Variants in PTK2 observed in about 807,000 individuals in gnomAD.
The protein encoded by PTK2 is focal adhesion kinase 1.
In PTK2, 45 loss-of-function variants were observed where a neutral mutation model predicts 150.1. That is an observed-to-expected ratio of 0.30 (90% CI 0.24 to 0.38). The LOEUF is 0.38. PTK2 is among the 10% of genes least tolerant of loss of function. PTK2 has a pLI of 1.00. For missense variants in PTK2, 919 were observed against 1,307.3 expected, an observed-to-expected ratio of 0.70 and a Z score of 4.58; for synonymous variants, 432 against 449.2, an observed-to-expected ratio of 0.96 and a Z score of 0.48.
intron 1 of PTK2, among the ~76,000 whole-genome samples, chr8:140,977,002 C>T (rs1588305743): frequency 6.6e-6 from 1 of 152,172 alleles, no homozygotes; most frequent in South Asian, 2.1e-4. Context: ...TGTAATTTAT[C>T]AAACACTTTA....
In PTK2 at chr8:140,671,252, C is replaced by T. The variant is rs185972123; in HGVS notation, c.2710-2828G>A. Among the ~76,000 whole-genome samples the T allele has an allele frequency of 7.4e-4, 113 of 152,264 alleles. 1 individual carries two copies. Among genetic ancestry groups the T allele is most frequent in the African/African-American group, 2.3e-3 (94 of 41,534 alleles). ...TATTAGTTTTTTTTAGGCAGAATCT[C>T]GCTCTGTCGCCCAGGCTGGAGTGCA... On this transcript the variant is annotated intron_variant, in intron 29 of 31. Coordinates refer to ENST00000522684, the Ensembl canonical transcript of PTK2.
At chr8:140,779,740 A>G (rs1027028388) in intron 14 of PTK2, among the ~76,000 whole-genome samples, 3 of 152,194 alleles carry the variant, frequency 2.0e-5, no homozygotes, top group Admixed American at 1.3e-4. Flanking sequence ...GAATAGGGAT[A>G]AAGAGCATAA....
intron 8 of PTK2, among the ~76,000 whole-genome samples, chr8:140,827,984 C>CA (rs2100112848): frequency 6.6e-6 from 1 of 152,118 alleles, no homozygotes; most frequent in East Asian, 1.9e-4. Flanking sequence ...CCAACCAACA[C>CA]AGTGAAACCC....
At chr8:140,836,216 T>G (rs2154603413) in intron 7 of PTK2, among the ~76,000 whole-genome samples, 1 of 152,326 alleles carries the variant, frequency 6.6e-6, no homozygotes, top group South Asian at 2.1e-4. Flanking sequence ...TAACTCTTGT[T>G]TATATCAATT....
intron 13 of PTK2, 108 bp downstream of exon 13, chr8:140,793,246 T>G: frequency 8.4e-7 from 1 of 1,187,368 alleles, no homozygotes; most frequent in South Asian, 1.5e-5. Flanking sequence ...AGTTCCTTGA[T>G]CATGTATATT....
chr8:140,878,897 G>A (rs2100147257), intron 4 of PTK2, among the ~76,000 whole-genome samples: 1 of 151,472 alleles, frequency 6.6e-6, no homozygotes, highest in African/African-American at 2.4e-5. Flanking sequence ...ACAATTATAG[G>A]GAATTCTTTT....
chr8:140,661,657 C>T (rs2080195407), intron 31 of PTK2, among the ~76,000 whole-genome samples: 1 of 151,974 alleles, frequency 6.6e-6, no homozygotes, highest in African/African-American at 2.4e-5. Context: ...GGGAGATGAC[C>T]ACACTCAAGG....
At chr8:140,820,276 T>C (rs1018009546) in intron 8 of PTK2, among the ~76,000 whole-genome samples, 18 of 151,250 alleles carry the variant, frequency 1.2e-4, no homozygotes, top group African/African-American at 3.6e-4. Context: ...AATTTTTGTA[T>C]ATTTAGTAGA....
intron 14 of PTK2, 111 bp downstream of exon 14, chr8:140,789,363 C>T: frequency 1.0e-6 from 1 of 1,004,372 alleles, no homozygotes; most frequent in Non-Finnish European, 1.4e-6. Context: ...AGCCAGAATG[C>T]TTATTTTCAT....
chr8:140,712,756 C>CGTTAT (rs1369399797), intron 23 of PTK2, among the ~76,000 whole-genome samples: 1 of 152,146 alleles, frequency 6.6e-6, no homozygotes, highest in Non-Finnish European at 1.5e-5. Context: ...CCTGAGCTTA[C>CGTTAT]TATAACAGTC....
chr8:140,749,852 G>A (rs541859164), intron 17 of PTK2, among the ~76,000 whole-genome samples: 3 of 152,262 alleles, frequency 2.0e-5, no homozygotes, highest in East Asian at 1.9e-4. Context: ...CAATTAGTCC[G>A]ACTTGACTAC....
chr8:140,769,249 T>C (rs1002061736), intron 14 of PTK2, among the ~76,000 whole-genome samples: 9 of 152,200 alleles, frequency 5.9e-5, no homozygotes, highest in African/African-American at 1.9e-4. Flanking sequence ...ACAGAGTGTA[T>C]GGACCGCTAC....
At chr8:140,883,131 C>T (rs189929762) in intron 3 of PTK2, among the ~76,000 whole-genome samples, 94 of 152,250 alleles carry the variant, frequency 6.2e-4, no homozygotes, top group Admixed American at 5.4e-3. Flanking sequence ...AACAAATGAC[C>T]TTCACCACTG....
intron 1 of PTK2, among the ~76,000 whole-genome samples, chr8:140,989,530 TA>T (rs528030872): frequency 0.015 from 2,046 of 140,136 alleles, 28 homozygotes; most frequent in African/African-American, 0.042. Context: ...TTAATGAATT[TA>T]AAAAAAAAAA....
At chr8:140,692,473 C>T (rs62530052) in intron 26 of PTK2, among the ~76,000 whole-genome samples, 40,434 of 151,992 alleles carry the variant, frequency 0.27, 6,145 homozygotes, top group Admixed American at 0.39. Flanking sequence ...AAAAATTAGC[C>T]GGGCATGGTG....
chr8:140,789,726 G>C (rs1254764351), intron 13 of PTK2, among the ~76,000 whole-genome samples, 200 bp from the exon 14 acceptor site: 1 of 151,960 alleles, frequency 6.6e-6, no homozygotes, highest in East Asian at 1.9e-4. Context: ...CACAACTGAA[G>C]GAATGTTGAA....
intron 2 of PTK2, chr8:140,892,469 A>AAGG (rs2100154569): frequency 3.9e-6 from 1 of 257,824 alleles, no homozygotes. Flanking sequence ...CCAAGAGGGG[A>AAGG]AGGCTACAGT....
chr8:140,770,432 A>C (rs1039731656), intron 14 of PTK2, among the ~76,000 whole-genome samples: 5 of 152,216 alleles, frequency 3.3e-5, no homozygotes, highest in South Asian at 2.1e-4. Flanking sequence ...CACTCAAACA[A>C]CACAAATGAA....
At chr8:140,789,377 C>T in intron 14 of PTK2, 97 bp downstream of exon 14, 4 of 1,152,836 alleles carry the variant, frequency 3.5e-6, no homozygotes, top group Non-Finnish European at 4.8e-6. Context: ...TTTTCATAAG[C>T]TATTCTAGAA....
Sources: gnomAD v4.1 joint callset for allele counts (sites outside exome capture counted in the v4.1 genomes callset) on GRCh38, gnomAD v4.1.1 for gene constraint, MANE v1.5 for transcripts, NCBI Gene and HGNC (gene_info 2026-07-23, HGNC 2026-07-21) for gene names.